KCNQ1: variants seen among roughly 807,000 people sequenced by gnomAD.
KCNQ1 encodes potassium voltage-gated channel subfamily Q member 1, also known as potassium voltage-gated channel subfamily KQT member 1.
Under a neutral mutation model 72.4 loss-of-function variants are expected in KCNQ1, and 49 were observed. The ratio of observed to expected loss-of-function variants is 0.68; its 90% CI spans 0.54 to 0.86. The LOEUF (loss-of-function observed/expected upper bound fraction) is 0.86, where lower values mean the gene tolerates loss of function less well. Among genes scored for constraint, KCNQ1 ranks in the 40% least tolerant of loss-of-function variants. The probability of loss-of-function intolerance (pLI) is 0.00; values close to 1 mark genes in which losing one functional copy is unlikely to be tolerated. For synonymous variants in KCNQ1, 450 were observed against 412.6 expected (o/e 1.09, Z -1.10); for missense variants, 790 against 945.1 (o/e 0.84, Z 2.15).
chr11:2,589,291 A>G (rs182050768), intron 10 of KCNQ1, among the ~76,000 whole-genome samples: 1 of 152,030 alleles, frequency 6.6e-6, no homozygotes, highest in East Asian at 1.9e-4. Flanking sequence ...CCCGGGTAAA[A>G]CGTGGGGGGC....
At position 2,450,432 on chromosome 11, in the gene KCNQ1, C is replaced by T. The variant is rs1037913266; in HGVS notation, c.386+4948C>T. ...GAGGGGAGAATGAGGCAATGAATAT[C>T]ACCATCCTGGGCCACTTTGACCCAG... On this transcript the variant is annotated intron_variant, in intron 1 of 15. Coordinates refer to ENST00000155840, the MANE Select transcript of KCNQ1 (RefSeq NM_000218.3). The surrounding 1 kb of genome is among the most constrained non-coding windows in gnomAD (Gnocchi z 7.9). Among the ~76,000 whole-genome samples, 1 of 152,168 alleles carries T rather than the reference C, an allele frequency of 6.6e-6. No individual in the cohort carries two copies. The highest frequency in any genetic ancestry group is 1.5e-5 in the Non-Finnish European group (1 of 68,018).
At chr11:2,758,793 C>T (rs542119514) in intron 11 of KCNQ1, among the ~76,000 whole-genome samples, 154 of 152,256 alleles carry the variant, frequency 1.0e-3, no homozygotes, top group African/African-American at 3.3e-3. Flanking sequence ...AAAAGCCTCC[C>T]CCGAAAGGTC....
Position 2,592,386 on chromosome 11 carries a change from G to A in KCNQ1, c.1393+3532G>A, listed in dbSNP as rs1227558064. Among the ~76,000 whole-genome samples, 1 of 152,190 alleles carries A rather than the reference G, an allele frequency of 6.6e-6. No homozygotes were observed. The highest frequency in any genetic ancestry group is 1.5e-5 in the Non-Finnish European group (1 of 68,028). ...TCCCCCATGGTAGCATCAGAACACA[G>A]ACTAACCTGCAGCAAAAATGGGCTG... is the stretch of plus-strand genomic sequence containing the variant. On this transcript the variant is annotated intron_variant, in intron 10 of 15. Coordinates refer to ENST00000155840, the MANE Select transcript of KCNQ1 (RefSeq NM_000218.3). The surrounding 1 kb of genome is among the most constrained non-coding windows in gnomAD (Gnocchi z 5.2).
In KCNQ1 at chr11:2,720,043, A is replaced by C. The variant is rs1305084701; in HGVS notation, c.1515-48801A>C. Among the ~76,000 whole-genome samples, 2 of 152,218 alleles carry C rather than the reference A, an allele frequency of 1.3e-5. No individual in the cohort carries two copies. The highest frequency in any genetic ancestry group is 2.9e-5 in the Non-Finnish European group (2 of 68,046). Reference sequence around the variant, plus strand: ...AATGTAGCAAACTGCAAAATGTCCCAAAACAAGTCCCTTACTGTCCGTGTC... The same window carrying C: ...AATGTAGCAAACTGCAAAATGTCCCCAAACAAGTCCCTTACTGTCCGTGTC... On this transcript the variant is annotated intron_variant, in intron 11 of 15. Transcript: ENST00000155840. The surrounding 1 kb of genome is among the most constrained non-coding windows in gnomAD (Gnocchi z 5.1).
At position 2,565,655 on chromosome 11, in the gene KCNQ1, G is replaced by A. The variant is rs11822186; in HGVS notation, c.478-4973G>A. Reference sequence around the variant, plus strand: ...CCCGTGGCCTATCTTGTTTTGGGGGGCAGGGACCCAGAAACTCATTGCTTT... The same window carrying A: ...CCCGTGGCCTATCTTGTTTTGGGGGACAGGGACCCAGAAACTCATTGCTTT... On this transcript the variant is annotated intron_variant, in intron 2 of 15. Coordinates refer to ENST00000155840, the MANE Select transcript of KCNQ1 (RefSeq NM_000218.3). This position sits in a 1 kb window ranked among gnomAD's most constrained non-coding sequence, Gnocchi z 5.6. Among the ~76,000 whole-genome samples the A allele has an allele frequency of 1.3e-5, 2 of 152,118 alleles. No homozygotes were observed. Among genetic ancestry groups the A allele is most frequent in the South Asian group, 2.1e-4 (1 of 4,832 alleles).
At position 2,781,204 on chromosome 11, in the gene KCNQ1, T is replaced by G. The variant is rs74655828; in HGVS notation, c.1794+3167T>G. Among the ~76,000 whole-genome samples, 5,506 of 152,262 alleles carry G rather than the reference T, an allele frequency of 0.036. 325 individuals are homozygous for G. Among genetic ancestry groups the G allele is most frequent in the African/African-American group, 0.12 (5,148 of 41,532 alleles). ...TTCTTTATCCTGGAGAGGACTCTTATTTGCTCAAATGCCCACATAAATCCT... is the reference window on the plus strand; with the variant it reads ...TTCTTTATCCTGGAGAGGACTCTTAGTTGCTCAAATGCCCACATAAATCCT... On this transcript the variant is annotated intron_variant, in intron 15 of 15. Transcript: ENST00000155840. This position sits in a 1 kb window ranked among gnomAD's most constrained non-coding sequence, Gnocchi z 6.6.
chr11:2,622,467 G>A (rs975653428), intron 10 of KCNQ1: 10 of 398,188 alleles, frequency 2.5e-5, no homozygotes, highest in Non-Finnish European at 4.0e-5. Context: ...GTTATATACA[G>A]CATAGGTTGA....
In KCNQ1 at chr11:2,494,370, C is replaced by A. The variant is rs1461376578; in HGVS notation, c.387-33558C>A. 6.6e-6 allele frequency among the ~76,000 whole-genome samples: 1 copy of A among 152,156 alleles called. No homozygotes were observed. The highest frequency in any genetic ancestry group is 6.5e-5 in the Admixed American group (1 of 15,278). ...GCTTGCCTTATTGTCCTGGCCAGAA[C>A]TTCCAATACTATGTTGAATGGGAGT... is the stretch of plus-strand genomic sequence containing the variant. On this transcript the variant is annotated intron_variant, in intron 1 of 15. Transcript: ENST00000155840. The surrounding 1 kb of genome is among the most constrained non-coding windows in gnomAD (Gnocchi z 4.6).
chr11:2,470,368 T>C (rs996635996), intron 1 of KCNQ1, among the ~76,000 whole-genome samples: 29 of 152,212 alleles, frequency 1.9e-4, no homozygotes, highest in African/African-American at 7.0e-4. Context: ...AATGATTATA[T>C]ACTTGCGAGA....
At chr11:2,635,478 G>C (rs181881634) in intron 10 of KCNQ1, 5 of 152,246 alleles carry the variant, frequency 3.3e-5, no homozygotes, top group Admixed American at 1.3e-4. Flanking sequence ...CTTTGTCAAA[G>C]ATCAGATGAT....
At chr11:2,632,977 T>A (rs1292165006) in intron 10 of KCNQ1, 1 of 398,410 alleles carries the variant, frequency 2.5e-6, no homozygotes, top group East Asian at 3.6e-5. Flanking sequence ...CTTTTAGTTT[T>A]TTTGACAAAA....
rs1190708709 is a variant in KCNQ1 at position 2,645,909 on chromosome 11, T to C, written c.1394-16052T>C. ...TCTCTGGGAGCTGTTCATTGCCATT[T>C]CACAGTCTGTAGGTAGCCTCTTGTT... On this transcript the variant is annotated intron_variant, in intron 10 of 15. Coordinates refer to ENST00000155840, the MANE Select transcript of KCNQ1 (RefSeq NM_000218.3). The surrounding 1 kb of genome is among the most constrained non-coding windows in gnomAD (Gnocchi z 5.8). 2.5e-6 allele frequency: 1 copy of C among 398,638 alleles called. No homozygotes were observed. Among genetic ancestry groups the C allele is most frequent in the African/African-American group, 2.1e-5 (1 of 48,730 alleles). 24.7% of individuals were successfully genotyped at this position (398,638 alleles called of 1,614,324 possible). A position where few individuals can be genotyped will look rare whatever the true frequency, so the allele number is the denominator to read the frequency against.
Position 2,463,502 on chromosome 11 carries a change from C to A in KCNQ1, c.386+18018C>A, listed in dbSNP as rs1017364306. On this transcript the variant is annotated intron_variant, in intron 1 of 15. Coordinates refer to ENST00000155840, the MANE Select transcript of KCNQ1 (RefSeq NM_000218.3). This position sits in a 1 kb window ranked among gnomAD's most constrained non-coding sequence, Gnocchi z 7.0. ...GCTCTGTAGCCTTCCTGGCTTCGGT[C>A]CCCTGGACAGGCTCCACCTCCCTCT... is the stretch of plus-strand genomic sequence containing the variant. Among the ~76,000 whole-genome samples, 5 of 152,104 alleles carry A rather than the reference C, an allele frequency of 3.3e-5. No homozygotes were observed. Among genetic ancestry groups the A allele is most frequent in the African/African-American group, 1.2e-4 (5 of 41,416 alleles).
Position 2,492,961 on chromosome 11 carries a change from A to G in KCNQ1, c.387-34967A>G, listed in dbSNP as rs1846859030. Among the ~76,000 whole-genome samples the G allele has an allele frequency of 6.6e-6, 1 of 152,158 alleles. No individual in the cohort carries two copies. The highest frequency in any genetic ancestry group is 2.4e-5 in the African/African-American group (1 of 41,432). ...TCTTCCACAATGGTTGAACTAATTT[A>G]CACTCCCACCAACAGTGTAAAAGCG... On this transcript the variant is annotated intron_variant, in intron 1 of 15. Coordinates refer to ENST00000155840, the MANE Select transcript of KCNQ1 (RefSeq NM_000218.3). The surrounding 1 kb of genome is among the most constrained non-coding windows in gnomAD (Gnocchi z 4.1).
Position 2,500,104 on chromosome 11 carries a change from T to C in KCNQ1, c.387-27824T>C, listed in dbSNP as rs558069687. 2.8e-4 allele frequency among the ~76,000 whole-genome samples: 42 copies of C among 152,330 alleles called. No homozygotes were observed. In the East Asian group the frequency reaches 8.1e-3, roughly 29 times the overall value. On this transcript the variant is annotated intron_variant, in intron 1 of 15. Transcript: ENST00000155840. ...TCAAGGAAGAAATTAAGAAGGAAATTGAAAATTTTATTGAAATAAATTACA... is the reference window on the plus strand; with the variant it reads ...TCAAGGAAGAAATTAAGAAGGAAATCGAAAATTTTATTGAAATAAATTACA...
intron 15 of KCNQ1, among the ~76,000 whole-genome samples, chr11:2,794,207 G>A (rs573333869): frequency 1.6e-4 from 24 of 152,338 alleles, no homozygotes; most frequent in South Asian, 1.0e-3. Flanking sequence ...CAGCACTTTG[G>A]ACTAGGGTGG....
chr11:2,758,624 A>T (rs961151828), intron 11 of KCNQ1, among the ~76,000 whole-genome samples: 2 of 152,258 alleles, frequency 1.3e-5, no homozygotes, highest in Admixed American at 1.3e-4. Flanking sequence ...TAGAAGCTTT[A>T]TTCCTAACTA....
Position 2,703,875 on chromosome 11 carries a change from C to G in KCNQ1, c.1514+41794C>G, listed in dbSNP as rs1157720529. On this transcript the variant is annotated intron_variant, in intron 11 of 15. Coordinates refer to ENST00000155840, the MANE Select transcript of KCNQ1 (RefSeq NM_000218.3). The surrounding 1 kb of genome is among the most constrained non-coding windows in gnomAD (Gnocchi z 6.4). ...CAGCCAGGTTCCCAAGTTGCTGCTT[C>G]CCTCGGAAGCTGAGAGGCCCAGGGC... Among the ~76,000 whole-genome samples, 1 of 152,202 alleles carries G rather than the reference C, an allele frequency of 6.6e-6. No homozygotes were observed. Among genetic ancestry groups the G allele is most frequent in the East Asian group, 1.9e-4 (1 of 5,180 alleles).
intron 6 of KCNQ1, among the ~76,000 whole-genome samples, chr11:2,582,430 C>T (rs1017483208): frequency 1.3e-5 from 2 of 152,232 alleles, no homozygotes; most frequent in South Asian, 2.1e-4. Context: ...CAGCACTGGG[C>T]CCATAGGGCT....
Sources: gnomAD v4.1 joint callset for allele counts (sites outside exome capture counted in the v4.1 genomes callset) on GRCh38, gnomAD v4.1.1 for gene constraint, Gnocchi (gnomAD v3.1) non-coding constraint, MANE v1.5 for transcripts, NCBI Gene and HGNC (gene_info 2026-07-23, HGNC 2026-07-21) for gene names.